Variants in C9orf72 observed in about 807,000 individuals in gnomAD.
C9orf72 encodes C9orf72-SMCR8 complex subunit.
In C9orf72, 44 loss-of-function variants were observed where a neutral mutation model predicts 51.6. The ratio of observed to expected loss-of-function variants is 0.85; its 90% CI spans 0.67 to 1.10. The LOEUF (loss-of-function observed/expected upper bound fraction) is 1.10. C9orf72 is among the 50% of genes least tolerant of loss of function. The pLI is 0.00. For synonymous variants in C9orf72, 213 were observed against 194.2 expected, an observed-to-expected ratio of 1.10 and a Z score of -0.81; for missense variants, 607 against 570.6, an observed-to-expected ratio of 1.06 and a Z score of -0.65.
intron 3 of C9orf72, among the ~76,000 whole-genome samples, 153 bp downstream of exon 3, chr9:27,565,378 G>A (rs1378010629): frequency 1.3e-5 from 2 of 151,954 alleles, no homozygotes; most frequent in African/African-American, 4.8e-5. Context: ...TTTAAGATAT[G>A]GAAATCTTCC....
At chr9:27,561,839 G>A (rs1213373808) in intron 4 of C9orf72, among the ~76,000 whole-genome samples, 190 bp from the exon 5 acceptor site, 1 of 152,086 alleles carries the variant, frequency 6.6e-6, no homozygotes, top group Non-Finnish European at 1.5e-5. Flanking sequence ...TGTGAAAGCT[G>A]GTCAAGCAGG....
At chr9:27,549,720 CTA>C (rs1463564566) in intron 9 of C9orf72, among the ~76,000 whole-genome samples, 1 of 150,158 alleles carries the variant, frequency 6.7e-6, no homozygotes, top group Non-Finnish European at 1.5e-5. Context: ...AATAAGTACA[CTA>C]TGTTTCAAAA....
At position 27,556,780 on chromosome 9, in the gene C9orf72, A is replaced by G. The variant is rs1819211437; in HGVS notation, c.872T>C (p.Phe291Ser). Residue 291 changes from phenylalanine to serine, a missense_variant, in exon 8 of 11, where the codon TTT becomes TCT. Phe to Ser is a radical substitution (Grantham distance 155). Transcript: ENST00000380003. ...CATGACTTGCCGGAAAGGCAGCACA[A>G]AGCTTCCAGTTGAATCCTGTCAAAA... ...QGLLKDSTGS[F>S]VLPFRQVMYA... is the part of the protein sequence containing the mutation. 1.2e-6 allele frequency: 2 copies of G among 1,612,650 alleles called. No homozygotes were observed. The highest frequency in any genetic ancestry group is 1.7e-6 in the Non-Finnish European group (2 of 1,178,796).
chr9:27,562,425 G>A lies in C9orf72; in HGVS notation c.556C>T (p.Leu186=). The A allele has an allele frequency of 6.3e-7, 1 of 1,596,194 alleles. No individual in the cohort carries two copies. The highest frequency in any genetic ancestry group is 8.5e-7 in the Non-Finnish European group (1 of 1,170,586). The change falls in exon 4 of 11, where the codon CTG becomes TTG. Residue 186 remains leucine (L), a synonymous_variant. Transcript: ENST00000380003. Reference sequence around the variant, plus strand: ...CTGTGTGATTTCATAGATGAAAGCAGTTCCATTACAGGAATCACTTCTCCA... The same window carrying A: ...CTGTGTGATTTCATAGATGAAAGCAATTCCATTACAGGAATCACTTCTCCA... ...LTGEVIPVME[L]LSSMKSHSVP...
intron 1 of C9orf72, among the ~76,000 whole-genome samples, chr9:27,570,929 T>C (rs1750721153): frequency 1.3e-5 from 2 of 151,960 alleles, no homozygotes; most frequent in East Asian, 1.9e-4. Context: ...AGGACAAAGA[T>C]CATACTGAAT....
At chr9:27,561,540 A>C in intron 5 of C9orf72, 45 bp downstream of exon 5, 2 of 1,606,448 alleles carry the variant, frequency 1.2e-6, no homozygotes, top group Non-Finnish European at 1.7e-6. Flanking sequence ...TGAGCATAAG[A>C]TGGTATCTGC....
chr9:27,551,014 C>T (rs181938279), intron 8 of C9orf72, among the ~76,000 whole-genome samples: 213 of 152,128 alleles, frequency 1.4e-3, no homozygotes, highest in African/African-American at 4.8e-3. Context: ...TATTTTACTA[C>T]TCTCATCTTT....
At chr9:27,573,535 GGC>G (rs1819646752), upstream of C9orf72, 25 of 144,196 alleles carry the variant, frequency 1.7e-4, no homozygotes, top group Admixed American at 1.5e-3. Flanking sequence ...CCCCGGCCCC[GGC>G]CCCGGCCCCT....
chr9:27,557,266 C>T (rs1203916530), intron 7 of C9orf72, among the ~76,000 whole-genome samples: 2 of 152,102 alleles, frequency 1.3e-5, no homozygotes, highest in East Asian at 3.8e-4. Context: ...CTTTTAATTT[C>T]TTAATTATTC....
intron 6 of C9orf72, 111 bp downstream of exon 6, chr9:27,560,116 T>A: frequency 1.6e-6 from 1 of 608,542 alleles, no homozygotes; most frequent in South Asian, 2.8e-5. Flanking sequence ...TTACATTGCC[T>A]CCTTATACTA....
chr9:27,557,818 T>A (rs886069828), intron 7 of C9orf72, among the ~76,000 whole-genome samples: 1 of 151,972 alleles, frequency 6.6e-6, no homozygotes, highest in Admixed American at 6.6e-5. Flanking sequence ...TTTTTAAATT[T>A]TTTTATTTCA....
intron 2 of C9orf72, among the ~76,000 whole-genome samples, chr9:27,566,015 C>G (rs1375099502): frequency 6.6e-6 from 1 of 152,108 alleles, no homozygotes; most frequent in African/African-American, 2.4e-5. Context: ...TTTTTCCTTA[C>G]TATTGGGCAA....
At position 27,567,162 on chromosome 9, in the gene C9orf72, T is replaced by C. The variant is rs1415028451; in HGVS notation, c.-42A>G. ...TCACATTATCCAAATGCTCCGGAGA[T>C]ATCTAAACAATGACATATGAAACCA... On this transcript the variant is annotated splice_region_variant and 5_prime_UTR_variant, in exon 2 of 11. In the 5' UTR this introduces an upstream ATG that the reference lacks. Transcript: ENST00000380003. The C allele has an allele frequency of 6.7e-7, 1 of 1,497,584 alleles. No homozygotes were observed. Among genetic ancestry groups the C allele is most frequent in the Non-Finnish European group, 9.2e-7 (1 of 1,085,706 alleles). 92.8% of individuals were successfully genotyped at this position (1,497,584 alleles called of 1,614,324 possible).
chr9:27,569,991 A>G (rs1166007806), intron 1 of C9orf72, among the ~76,000 whole-genome samples: 5 of 152,250 alleles, frequency 3.3e-5, no homozygotes, highest in Admixed American at 2.0e-4. Context: ...TCATATTATG[A>G]GTAGGCATAC....
intron 6 of C9orf72, 69 bp from the exon 7 acceptor site, chr9:27,558,676 T>G (rs1819268210): frequency 1.3e-6 from 1 of 774,834 alleles, no homozygotes; most frequent in Non-Finnish European, 2.1e-6. Flanking sequence ...ATGAAAGATA[T>G]CTGAAATTTT....
chr9:27,556,477 T>G, intron 8 of C9orf72, 84 bp downstream of exon 8: 1 of 856,730 alleles, frequency 1.2e-6, no homozygotes, highest in Non-Finnish European at 1.8e-6. Context: ...TCTTTTTAAA[T>G]GCAACTTCTG....
Position 27,561,697 on chromosome 9 carries a change from G to A in C9orf72, c.601-48C>T, listed in dbSNP as rs191881168. Reference sequence around the variant, plus strand: ...AAAATTAGTCTGGCTGTAACATAGTGTTGAAATAACACTTTTAATATACAA... The same window carrying A: ...AAAATTAGTCTGGCTGTAACATAGTATTGAAATAACACTTTTAATATACAA... On this transcript the variant is annotated intron_variant, in intron 4 of 10. Coordinates refer to ENST00000380003, the MANE Select transcript of C9orf72 (RefSeq NM_018325.5). 354 of 1,196,818 alleles carry A rather than the reference G, an allele frequency of 3.0e-4. 2 individuals are homozygous for A. The African/African-American group carries it at 4.7e-3, about 16-fold the overall frequency. The allele number at this position is 1,196,818 out of a possible 1,614,324, so 74.1% of individuals were successfully genotyped here.
chr9:27,569,567 T>A (rs571712623), intron 1 of C9orf72, among the ~76,000 whole-genome samples: 1 of 152,358 alleles, frequency 6.6e-6, no homozygotes, highest in South Asian at 2.1e-4. Flanking sequence ...CAACAGACTA[T>A]ACCATACGGC....
intron 1 of C9orf72, among the ~76,000 whole-genome samples, chr9:27,567,693 A>C (rs530383994): frequency 6.6e-6 from 1 of 152,298 alleles, no homozygotes; most frequent in East Asian, 1.9e-4. Context: ...AATAAGTGTA[A>C]TCATGTTAAA....
Sources: allele counts gnomAD v4.1 joint callset (sites outside exome capture counted in the v4.1 genomes callset), GRCh38; gene constraint gnomAD v4.1.1; transcripts MANE v1.5; gene names NCBI Gene and HGNC (gene_info 2026-07-23, HGNC 2026-07-21).